Variants in OR9Q1 observed in about 807,000 individuals in gnomAD.
OR9Q1 encodes olfactory receptor family 9 subfamily Q member 1, also known as olfactory receptor 9Q1.
For missense variants in OR9Q1, 374 were observed against 378.8 expected, an observed-to-expected ratio of 0.99 and a Z score of 0.11; for synonymous variants, 153 against 148.6, an observed-to-expected ratio of 1.03 and a Z score of -0.22.
intron 2 of OR9Q1, among the ~76,000 whole-genome samples, chr11:58,076,113 C>A (rs1853536554): frequency 6.6e-6 from 1 of 152,224 alleles, no homozygotes; most frequent in African/African-American, 2.4e-5. Context: ...AAAATGTTTA[C>A]TCTCTGGCCC....
chr11:58,108,688 A>G (rs1679326159), intron 2 of OR9Q1: 1 of 207,318 alleles, frequency 4.8e-6, no homozygotes, highest in East Asian at 1.2e-4. Flanking sequence ...TGGAGAAAAG[A>G]TGGGTCATGA....
In OR9Q1 at chr11:58,086,567, G is replaced by A. The variant is rs1347710596; in HGVS notation, c.-15+30620G>A. 1.3e-5 allele frequency among the ~76,000 whole-genome samples: 2 copies of A among 151,782 alleles called. 1 individual carries two copies. The highest frequency in any genetic ancestry group is 4.9e-5 in the African/African-American group (2 of 41,150). On this transcript the variant is annotated intron_variant, in intron 2 of 2. Coordinates refer to ENST00000335397, the MANE Select transcript of OR9Q1 (RefSeq NM_001005212.4). ...AAAAATCTACCATCCCATGTTCATT[G>A]AATCATTCTTCACAATAGCTCAGAT...
At chr11:58,036,795 A>G (rs1426455148) in intron 1 of OR9Q1, among the ~76,000 whole-genome samples, 1 of 152,228 alleles carries the variant, frequency 6.6e-6, no homozygotes, top group Non-Finnish European at 1.5e-5. Context: ...GACAAAACGA[A>G]TGGATGAAGA....
At chr11:58,106,657 G>T (rs1853843235) in intron 2 of OR9Q1, among the ~76,000 whole-genome samples, 1 of 152,072 alleles carries the variant, frequency 6.6e-6, no homozygotes, top group Non-Finnish European at 1.5e-5. Context: ...AATCTGTTTA[G>T]AGTTAATTTT....
At chr11:58,096,449 C>G (rs1480512880) in intron 2 of OR9Q1, among the ~76,000 whole-genome samples, 3 of 152,098 alleles carry the variant, frequency 2.0e-5, no homozygotes, top group African/African-American at 7.2e-5. Context: ...CCTACTTAAG[C>G]TTCGTATAAA....
At chr11:58,048,691 T>G (rs959803348) in intron 1 of OR9Q1, among the ~76,000 whole-genome samples, 1 of 145,638 alleles carries the variant, frequency 6.9e-6, no homozygotes, top group African/African-American at 2.5e-5. Context: ...TATATATATA[T>G]ATATTTTTTA....
intron 2 of OR9Q1, among the ~76,000 whole-genome samples, chr11:58,139,303 T>C (rs1854220195): frequency 1.3e-5 from 2 of 151,818 alleles, no homozygotes; most frequent in African/African-American, 4.8e-5. Context: ...TTTATTATAC[T>C]TTAAGTTTTA....
intron 1 of OR9Q1, among the ~76,000 whole-genome samples, chr11:58,053,627 A>ATATATATATAT (rs1491279836): frequency 1.2e-4 from 12 of 103,330 alleles, no homozygotes; most frequent in Non-Finnish European, 1.4e-4. Context: ...ATATATATAT[A>ATATATATATAT]AAATATATAT....
intron 2 of OR9Q1, among the ~76,000 whole-genome samples, chr11:58,152,444 T>C (rs1208669927): frequency 6.6e-6 from 1 of 152,240 alleles, no homozygotes; most frequent in Non-Finnish European, 1.5e-5. Context: ...TAAAATTTCA[T>C]GGCCAATATT....
intron 2 of OR9Q1, among the ~76,000 whole-genome samples, chr11:58,090,181 A>G (rs1459284102): frequency 3.9e-5 from 6 of 152,212 alleles, no homozygotes; most frequent in East Asian, 1.9e-4. Context: ...TTTCAATACT[A>G]TGTTGAATAG....
intron 2 of OR9Q1, among the ~76,000 whole-genome samples, chr11:58,152,259 A>G (rs1854360479): frequency 6.6e-6 from 1 of 152,178 alleles, no homozygotes; most frequent in African/African-American, 2.4e-5. Context: ...CAGAACATTT[A>G]TTTTATTTTA....
At chr11:58,103,755 A>ATAAGGCCCC (rs1853813484) in intron 2 of OR9Q1, among the ~76,000 whole-genome samples, 4 of 152,338 alleles carry the variant, frequency 2.6e-5, no homozygotes, top group Admixed American at 1.3e-4. Flanking sequence ...ATAAGGAAAG[A>ATAAGGCCCC]ATTATTACCA....
intron 2 of OR9Q1, among the ~76,000 whole-genome samples, chr11:58,157,529 G>A (rs1854418779): frequency 6.6e-6 from 1 of 151,930 alleles, no homozygotes; most frequent in African/African-American, 2.4e-5. Context: ...AAAAAGGAAA[G>A]AAGGAAGAAA....
chr11:58,105,757 G>A (rs921712020), intron 2 of OR9Q1, among the ~76,000 whole-genome samples: 1 of 152,040 alleles, frequency 6.6e-6, no homozygotes, highest in African/African-American at 2.4e-5. Flanking sequence ...ATTTGACTAA[G>A]CATATGTCTT....
At chr11:58,157,890 G>A (rs1330383444) in intron 2 of OR9Q1, among the ~76,000 whole-genome samples, 2 of 152,208 alleles carry the variant, frequency 1.3e-5, no homozygotes, top group African/African-American at 4.8e-5. Context: ...AATGGCAGAT[G>A]AGACTTTCTC....
intron 2 of OR9Q1, among the ~76,000 whole-genome samples, chr11:58,101,340 T>G (rs912567904): frequency 6.6e-6 from 1 of 152,200 alleles, no homozygotes; most frequent in Admixed American, 6.5e-5. Context: ...CTGGCTCTGG[T>G]AAGGTGGTAT....
chr11:58,178,927 TATATATTTATATATA>T (rs1590628950), intron 2 of OR9Q1, among the ~76,000 whole-genome samples: 2 of 143,916 alleles, frequency 1.4e-5, no homozygotes, highest in South Asian at 2.1e-4. Context: ...ATTTATATAT[TATATATTTATATATA>T]ATATATATTT....
At chr11:58,174,498 T>C (rs1217917593) in intron 2 of OR9Q1, among the ~76,000 whole-genome samples, 9 of 151,926 alleles carry the variant, frequency 5.9e-5, no homozygotes, top group African/African-American at 2.2e-4. Flanking sequence ...CAAATACTTT[T>C]GAGAATTGTT....
chr11:58,055,057 T>C (rs1341089395), intron 1 of OR9Q1, among the ~76,000 whole-genome samples: 1 of 152,220 alleles, frequency 6.6e-6, no homozygotes, highest in Non-Finnish European at 1.5e-5. Context: ...TGGGAGGAAC[T>C]GGTTCTAGAG....
Sources: gnomAD v4.1 joint callset for allele counts (sites outside exome capture counted in the v4.1 genomes callset) on GRCh38, gnomAD v4.1.1 for gene constraint, MANE v1.5 for transcripts, NCBI Gene and HGNC (gene_info 2026-07-23, HGNC 2026-07-21) for gene names.